Variants in FSTL4 observed in about 807,000 individuals in gnomAD.
The protein encoded by FSTL4 is follistatin-related protein 4.
A neutral mutation model predicts 78.2 loss-of-function variants in FSTL4; 28 were observed. The observed-to-expected ratio is 0.36, with a 90% confidence interval of 0.27 to 0.49. The LOEUF (loss-of-function observed/expected upper bound fraction) is 0.49. FSTL4 is among the 20% of genes least tolerant of loss of function. FSTL4 has a pLI of 0.98. For synonymous variants in FSTL4, 422 were observed against 440.5 expected (o/e 0.96, Z 0.53); for missense variants, 922 against 1,084.9 (o/e 0.85, Z 2.11).
intron 2 of FSTL4, among the ~76,000 whole-genome samples, chr5:133,568,152 G>A (rs1365070205): frequency 6.6e-6 from 1 of 152,152 alleles, no homozygotes; most frequent in Non-Finnish European, 1.5e-5. Flanking sequence ...AGAATGAAAA[G>A]TCCTGGTGAG....
At position 133,548,347 on chromosome 5, in the gene FSTL4, G is replaced by C. The variant is rs537518458; in HGVS notation, c.160+18839C>G. On this transcript the variant is annotated intron_variant, in intron 3 of 15. Coordinates refer to ENST00000265342, the MANE Select transcript of FSTL4 (RefSeq NM_015082.2). ...TGAGAGCAGTCTTATAGAGGACTGA[G>C]TCCTTAACTTAGGGTGTCTGCTAAC... 1.0e-3 allele frequency among the ~76,000 whole-genome samples: 157 copies of C among 152,262 alleles called. 2 individuals are homozygous for C. The South Asian group carries it at 0.032, about 31-fold the overall frequency.
At chr5:133,409,972 C>T (rs1756446539) in intron 3 of FSTL4, among the ~76,000 whole-genome samples, 1 of 152,134 alleles carries the variant, frequency 6.6e-6, no homozygotes, top group Non-Finnish European at 1.5e-5. Flanking sequence ...AAAATTATCC[C>T]ACATCTGTGA....
the FSTL4 span, among the ~76,000 whole-genome samples, chr5:133,631,206 C>T: frequency 6.6e-6 from 1 of 151,998 alleles, no homozygotes; most frequent in African/African-American, 2.4e-5. Flanking sequence ...TGAGAGTGAA[C>T]AGGCAACCTA....
At chr5:133,687,120 C>T in the FSTL4 span, among the ~76,000 whole-genome samples, 21 of 152,236 alleles carry the variant, frequency 1.4e-4, 1 homozygote, top group Admixed American at 9.8e-4. Context: ...GGGCAAGTGT[C>T]GGGGGAACTG....
intron 6 of FSTL4, among the ~76,000 whole-genome samples, chr5:133,307,810 T>C (rs1753689409): frequency 6.7e-6 from 1 of 148,940 alleles, no homozygotes; most frequent in Non-Finnish European, 1.5e-5. Context: ...AGATGGAGTC[T>C]CGCTCTGTTG....
rs150468275 is a variant in FSTL4, at chr5:133,439,730, T to C, written c.161-38744A>G. ...CAAAGAGAGGGTCATTCTCCAAAGA[T>C]GGCTGTGCCTGACAGCGTGCAGGCT... On this transcript the variant is annotated intron_variant, in intron 3 of 15. Transcript: ENST00000265342. Among the ~76,000 whole-genome samples, 634 of 152,286 alleles carry C rather than the reference T, an allele frequency of 4.2e-3. 2 individuals carry two copies. The highest frequency in any genetic ancestry group is 0.015 in the African/African-American group (610 of 41,566).
intron 2 of FSTL4, among the ~76,000 whole-genome samples, chr5:133,577,900 A>G (rs1329857950): frequency 6.6e-6 from 1 of 151,872 alleles, no homozygotes; most frequent in Admixed American, 6.6e-5. Flanking sequence ...CTCTGTCTCA[A>G]AACAAACAAA....
At chr5:133,393,585 A>G (rs2562374) in intron 4 of FSTL4, among the ~76,000 whole-genome samples, 139,762 of 152,228 alleles carry the variant, frequency 0.92, 64,642 homozygotes, top group Non-Finnish European at 0.97. Flanking sequence ...GGTAGGCCCA[A>G]AAGTGGAAGG....
intron 3 of FSTL4, among the ~76,000 whole-genome samples, chr5:133,557,447 C>T (rs1184621129): frequency 1.3e-5 from 2 of 152,220 alleles, no homozygotes; most frequent in African/African-American, 4.8e-5. Context: ...TATTCAGACC[C>T]AATTGCCATT....
intron 3 of FSTL4, among the ~76,000 whole-genome samples, chr5:133,524,315 G>A (rs1227124036): frequency 6.6e-6 from 1 of 152,196 alleles, no homozygotes; most frequent in African/African-American, 2.4e-5. Context: ...TGACAATTTA[G>A]GAAGATAAAT....
the FSTL4 span, among the ~76,000 whole-genome samples, chr5:133,653,956 C>T: frequency 6.6e-6 from 1 of 152,244 alleles, no homozygotes; most frequent in Non-Finnish European, 1.5e-5. Context: ...TTCATTCCTT[C>T]GTTCATTTGC....
the FSTL4 span, among the ~76,000 whole-genome samples, chr5:133,772,181 G>A: frequency 1.3e-5 from 2 of 152,110 alleles, no homozygotes; most frequent in Non-Finnish European, 2.9e-5. Context: ...GTTTAAAGAA[G>A]AAAATATAGT....
chr5:133,660,819 G>A, the FSTL4 span, among the ~76,000 whole-genome samples: 1 of 152,016 alleles, frequency 6.6e-6, no homozygotes, highest in Non-Finnish European at 1.5e-5. Context: ...AATCTTTGAA[G>A]GAAAAAAAGC....
intron 3 of FSTL4, among the ~76,000 whole-genome samples, chr5:133,488,349 G>A (rs1051066160): frequency 1.3e-5 from 2 of 152,138 alleles, no homozygotes; most frequent in East Asian, 3.9e-4. Context: ...CTGCCTGCTG[G>A]GTTCAAGCGA....
chr5:133,323,951 G>A (rs1487855702), intron 4 of FSTL4, among the ~76,000 whole-genome samples: 4 of 152,150 alleles, frequency 2.6e-5, no homozygotes, highest in East Asian at 1.9e-4. Flanking sequence ...AGATTCTAAT[G>A]TTCTCTCATT....
the FSTL4 span, among the ~76,000 whole-genome samples, chr5:133,819,478 G>T: frequency 7.9e-5 from 12 of 152,160 alleles, no homozygotes; most frequent in Admixed American, 5.2e-4. Flanking sequence ...CCCGCACAAG[G>T]CTCTTCACCC....
chr5:133,666,254 C>A, the FSTL4 span, among the ~76,000 whole-genome samples: 1 of 151,928 alleles, frequency 6.6e-6, no homozygotes, highest in African/African-American at 2.4e-5. Flanking sequence ...CACTTTTTTT[C>A]TTTTCCAAAT....
chr5:133,350,052 C>T (rs1324136899), intron 4 of FSTL4, among the ~76,000 whole-genome samples: 3 of 139,952 alleles, frequency 2.1e-5, no homozygotes, highest in Non-Finnish European at 4.6e-5. Flanking sequence ...ATAGGATGGA[C>T]TTTGTTTGTC....
At chr5:133,703,570 T>C in the FSTL4 span, among the ~76,000 whole-genome samples, 2 of 152,274 alleles carry the variant, frequency 1.3e-5, no homozygotes, top group African/African-American at 4.8e-5. Context: ...AAATGACCAG[T>C]CTGCCCTGGC....
Sources: allele counts gnomAD v4.1 joint callset (sites outside exome capture counted in the v4.1 genomes callset), GRCh38; gene constraint gnomAD v4.1.1; transcripts MANE v1.5; gene names NCBI Gene and HGNC (gene_info 2026-07-23, HGNC 2026-07-21).